Variants in ABHD12B observed in about 807,000 individuals in gnomAD.
The protein encoded by ABHD12B is abhydrolase domain containing 12B.
A neutral mutation model predicts 50.4 loss-of-function variants in ABHD12B; 42 were observed. That is an observed-to-expected ratio of 0.83 (90% confidence interval 0.65 to 1.08). The LOEUF (loss-of-function observed/expected upper bound fraction) is 1.08, where lower values mean the gene tolerates loss of function less well. ABHD12B is among the 50% of genes least tolerant of loss of function. The probability of loss-of-function intolerance (pLI) is 0.00; values close to 1 mark genes in which losing one functional copy is unlikely to be tolerated. For missense variants in ABHD12B, 479 were observed against 447.7 expected (o/e 1.07, Z -0.63); for synonymous variants, 167 against 160.3 (o/e 1.04, Z -0.32).
chr14:50,872,373 C>T, intron 1 of ABHD12B, 95 bp downstream of exon 1: 1 of 907,102 alleles, frequency 1.1e-6, no homozygotes, highest in South Asian at 5.0e-5. Flanking sequence ...GGCCGCAATC[C>T]CCTCTGCTGG....
intron 7 of ABHD12B, 102 bp downstream of exon 7, chr14:50,885,997 A>C (rs1164632233): frequency 6.6e-6 from 10 of 1,516,724 alleles, no homozygotes; most frequent in African/African-American, 5.5e-5. Context: ...GCCAGAAGAC[A>C]GGGACTCTTT....
intron 9 of ABHD12B, among the ~76,000 whole-genome samples, chr14:50,897,469 C>G (rs1029265440): frequency 2.6e-5 from 4 of 152,192 alleles, no homozygotes; most frequent in Admixed American, 1.3e-4. Flanking sequence ...GACTTAAAGT[C>G]AACTTTGTCC....
chr14:50,897,988 A>G (rs561667956), intron 9 of ABHD12B, among the ~76,000 whole-genome samples: 9 of 152,330 alleles, frequency 5.9e-5, no homozygotes, highest in Non-Finnish European at 7.3e-5. Flanking sequence ...GGTGTGGCCA[A>G]TGAAGACTTC....
chr14:50,872,228 A>C lies in ABHD12B; in HGVS notation c.54A>C (p.Pro18=). 8 of 1,391,992 alleles carry C rather than the reference A, an allele frequency of 5.7e-6. No homozygotes were observed. The highest frequency in any genetic ancestry group is 7.5e-6 in the Non-Finnish European group (8 of 1,069,750). The allele number at this position is 1,391,992 out of a possible 1,614,324, so 86.2% of individuals were successfully genotyped here. A position where few individuals can be genotyped will look rare whatever the true frequency, so the allele number is the denominator to read the frequency against. ...AAASPEPPGP[P]ARSCVAAWWD... ...CATCGCCCGAGCCGCCCGGGCCCCC[A>C]GCCCGTAGCTGCGTGGCCGCCTGGT... is the stretch of plus-strand genomic sequence containing the variant. Residue 18 remains proline, a synonymous_variant, in exon 1 of 13, where the codon CCA becomes CCC. Coordinates refer to ENST00000337334, the MANE Select transcript of ABHD12B (RefSeq NM_001206673.2).
At chr14:50,883,622 A>G (rs1426880552) in intron 5 of ABHD12B, among the ~76,000 whole-genome samples, 1 of 152,244 alleles carries the variant, frequency 6.6e-6, no homozygotes, top group Non-Finnish European at 1.5e-5. Context: ...ATGTTCCCAG[A>G]AAGGAGAAGA....
chr14:50,895,535 A>G (rs888872039), intron 9 of ABHD12B: 3 of 152,098 alleles, frequency 2.0e-5, no homozygotes, highest in Non-Finnish European at 2.9e-5. Context: ...GACCCCACTG[A>G]AAATCGGACT....
Position 50,901,763 on chromosome 14 carries a change from AAGACTATATAAC to A in ABHD12B, c.781-62_781-51del, listed in dbSNP as rs576109174. On this transcript the variant is annotated intron_variant, in intron 9 of 12. Transcript: ENST00000337334. ...TCTGTGTTACCCTGGTTCATAGTGA[AAGACTATATAAC>A]AGATGGCATAGCTATGGGGCAAATA... is the stretch of plus-strand genomic sequence containing the variant. 1,156 of 1,039,940 alleles carry A rather than the reference AAGACTATATAAC, an allele frequency of 1.1e-3. 18 individuals carry two copies. The South Asian group carries it at 0.02, about 18-fold the overall frequency. 64.4% of individuals were successfully genotyped at this position (1,039,940 alleles called of 1,614,324 possible).
chr14:50,886,013 T>A, intron 7 of ABHD12B, 118 bp downstream of exon 7: 1 of 1,417,346 alleles, frequency 7.1e-7, no homozygotes, highest in Middle Eastern at 2.6e-4. Flanking sequence ...TCTTTGCTGA[T>A]CATTTTCACA....
rs756654748 is a variant in ABHD12B at position 50,880,548 on chromosome 14, T to G, written c.432T>G (p.Tyr144Ter). 1.3e-5 allele frequency: 21 copies of G among 1,604,186 alleles called. No homozygotes were observed. The East Asian group carries it at 4.3e-4, about 33-fold the overall frequency. Residue 144 changes from tyrosine (Y) to a stop codon, truncating the protein, a stop_gained, in exon 4 of 13, where the codon TAT (tyrosine) becomes TAG (stop). Transcript: ENST00000337334. LOFTEE classifies it high-confidence loss of function. ...GTGATGGGAACCCAATTATTGTTTA[T>G]CTTCATGGCAGTGCAGAACACAGGT... ...ALRDGNPIIV[Y>*]LHGSAEHRAA...
rs145960243 is a variant in ABHD12B, at chr14:50,874,871, A to G, written c.104+2593A>G. Among the ~76,000 whole-genome samples the G allele has an allele frequency of 4.6e-3, 705 of 152,346 alleles. 7 individuals are homozygous for G. The highest frequency in any genetic ancestry group is 0.016 in the African/African-American group (673 of 41,584). On this transcript the variant is annotated intron_variant, in intron 1 of 12. Coordinates refer to ENST00000337334, the MANE Select transcript of ABHD12B (RefSeq NM_001206673.2). The stretch of plus-strand genomic sequence containing the variant: ...AAAATCCTTGCTCTGTGGAGCACAC[A>G]TTGATTCATTTGCAATTGTAAGTAA...
chr14:50,873,932 G>C (rs2049822897), intron 1 of ABHD12B, among the ~76,000 whole-genome samples: 2 of 152,190 alleles, frequency 1.3e-5, no homozygotes, highest in Non-Finnish European at 2.9e-5. Flanking sequence ...GACACTTCCT[G>C]AAAGAACAAA....
chr14:50,892,276 G>C (rs78422292), intron 9 of ABHD12B: 6,163 of 320,228 alleles, frequency 0.019, 106 homozygotes, highest in East Asian at 0.1. Context: ...CTGAGACAGA[G>C]ATTTGGTGTG....
At chr14:50,878,627 G>T in intron 2 of ABHD12B, 118 bp from the exon 3 acceptor site, 1 of 780,412 alleles carries the variant, frequency 1.3e-6, no homozygotes, top group South Asian at 1.7e-5. Context: ...TAGGAGTTTA[G>T]TGTAGTAGCT....
intron 5 of ABHD12B, 136 bp downstream of exon 5, chr14:50,881,762 G>A (rs1231710507): frequency 4.0e-6 from 4 of 1,003,296 alleles, no homozygotes; most frequent in Admixed American, 2.1e-5. Context: ...TGGTGTCTGG[G>A]GCTCAAAGTC....
At chr14:50,884,322 G>T (rs558962757) in intron 5 of ABHD12B, among the ~76,000 whole-genome samples, 2 of 152,258 alleles carry the variant, frequency 1.3e-5, no homozygotes, top group African/African-American at 4.8e-5. Flanking sequence ...CCATTTTCCT[G>T]GATGCTTAGC....
Position 50,882,373 on chromosome 14 carries a change from C to CTTTTTTTTTT in ABHD12B, c.486+759_486+768dup, listed in dbSNP as rs386381352. On this transcript the variant is annotated intron_variant, in intron 5 of 12. Coordinates refer to ENST00000337334, the MANE Select transcript of ABHD12B (RefSeq NM_001206673.2). The stretch of plus-strand genomic sequence containing the variant: ...ATAGGCTAAAGACACAGAATGTCTG[C>CTTTTTTTTTT]TTTTTTTTTTTTTTTTTTTTTGAGA... 2.3e-4 allele frequency among the ~76,000 whole-genome samples: 19 copies of CTTTTTTTTTT among 81,834 alleles called. 4 individuals are homozygous for CTTTTTTTTTT. Among genetic ancestry groups the CTTTTTTTTTT allele is most frequent in the African/African-American group, 5.7e-4 (11 of 19,318 alleles). 53.7% of individuals were successfully genotyped at this position (81,834 alleles called of 152,430 possible).
chr14:50,881,289 G>C (rs2049939875), intron 4 of ABHD12B, among the ~76,000 whole-genome samples: 1 of 152,120 alleles, frequency 6.6e-6, no homozygotes, highest in African/African-American at 2.4e-5. Context: ...CTTGGGAGGA[G>C]CACCTGCCTG....
intron 3 of ABHD12B, among the ~76,000 whole-genome samples, chr14:50,880,249 GT>G (rs1395313999): frequency 1.3e-5 from 2 of 152,196 alleles, no homozygotes; most frequent in Non-Finnish European, 2.9e-5. Context: ...CATTGTCTCT[GT>G]GCATGGGGAC....
rs191778938 is a variant in ABHD12B, at chr14:50,883,306, T to C, written c.486+1680T>C. Reference sequence around the variant, plus strand: ...GAGTTCTTTCCTGATCAAACAATATTAGTGGGGCCCAGAATCCTGGCAGTA... The same window carrying C: ...GAGTTCTTTCCTGATCAAACAATATCAGTGGGGCCCAGAATCCTGGCAGTA... On this transcript the variant is annotated intron_variant, in intron 5 of 12. Transcript: ENST00000337334. Among the ~76,000 whole-genome samples, 442 of 152,202 alleles carry C rather than the reference T, an allele frequency of 2.9e-3. 13 individuals are homozygous for C. The highest frequency in any genetic ancestry group is 0.027 in the Admixed American group (416 of 15,284).
Sources: allele counts gnomAD v4.1 joint callset (sites outside exome capture counted in the v4.1 genomes callset), GRCh38; gene constraint gnomAD v4.1.1; transcripts MANE v1.5; gene names NCBI Gene and HGNC (gene_info 2026-07-23, HGNC 2026-07-21).